SHISA9: variants seen among roughly 807,000 people sequenced by gnomAD.
SHISA9 encodes the protein protein shisa-9.
A neutral mutation model predicts 38.0 loss-of-function variants in SHISA9; 13 were observed. The ratio of observed to expected loss-of-function variants is 0.34; its 90% CI spans 0.22 to 0.54. The LOEUF is 0.54. SHISA9 is among the 20% of genes least tolerant of loss of function. The pLI, the probability that SHISA9 is intolerant of heterozygous loss-of-function variation, is 0.91. For missense variants in SHISA9, 538 were observed against 575.8 expected, an observed-to-expected ratio of 0.93 and a Z score of 0.67; for synonymous variants, 275 against 242.0, an observed-to-expected ratio of 1.14 and a Z score of -1.27.
At chr16:12,909,020 G>A (rs2071144359) in intron 1 of SHISA9, 1 of 996,668 alleles carries the variant, frequency 1.0e-6, no homozygotes. Context: ...CTTGCCTTTT[G>A]CCTTCCAGTT....
chr16:13,104,078 T>G (rs571317307), intron 2 of SHISA9, among the ~76,000 whole-genome samples: 4 of 152,308 alleles, frequency 2.6e-5, no homozygotes, highest in African/African-American at 9.6e-5. Context: ...ACCTCATTTC[T>G]TTCTTTTGTG....
chr16:12,947,490 A>G (rs1477848918), intron 2 of SHISA9, among the ~76,000 whole-genome samples: 2 of 152,214 alleles, frequency 1.3e-5, no homozygotes, highest in East Asian at 1.9e-4. Flanking sequence ...TGTAAAGCAC[A>G]CGCTTTGCCT....
chr16:12,911,838 C>T (rs935835845), intron 1 of SHISA9, among the ~76,000 whole-genome samples: 2 of 152,240 alleles, frequency 1.3e-5, no homozygotes, highest in Non-Finnish European at 2.9e-5. Context: ...TTTTAAACCA[C>T]ATGTCTGCTT....
the SHISA9 span, among the ~76,000 whole-genome samples, chr16:13,456,378 AATC>A: frequency 6.6e-6 from 1 of 152,202 alleles, no homozygotes; most frequent in Non-Finnish European, 1.5e-5. Context: ...TCAGCTTAAT[AATC>A]ATGTTTTTTC....
chr16:13,269,369 C>T, the SHISA9 span, among the ~76,000 whole-genome samples: 2 of 152,246 alleles, frequency 1.3e-5, no homozygotes, highest in African/African-American at 4.8e-5. Context: ...AATACTTCCC[C>T]TATGGGGGAC....
chr16:13,442,434 A>G, the SHISA9 span, among the ~76,000 whole-genome samples: 2 of 152,066 alleles, frequency 1.3e-5, no homozygotes, highest in African/African-American at 4.8e-5. Flanking sequence ...CAGCCTCCCA[A>G]GTAGCTGGGA....
At chr16:13,384,269 T>G in the SHISA9 span, among the ~76,000 whole-genome samples, 1 of 152,194 alleles carries the variant, frequency 6.6e-6, no homozygotes, top group Non-Finnish European at 1.5e-5. Flanking sequence ...TCTCCTGATA[T>G]GGTTTCTCCA....
the SHISA9 span, among the ~76,000 whole-genome samples, chr16:13,362,254 A>T: frequency 6.6e-6 from 1 of 150,942 alleles, no homozygotes; most frequent in African/African-American, 2.4e-5. Context: ...CAACAACAGC[A>T]ACAACAAAAA....
the SHISA9 span, among the ~76,000 whole-genome samples, chr16:13,515,888 G>C: frequency 6.6e-6 from 1 of 152,138 alleles, no homozygotes; most frequent in African/African-American, 2.4e-5. Context: ...TCAAATGTCT[G>C]GCACTGAACT....
At position 12,997,484 on chromosome 16, in the gene SHISA9, G is replaced by A. The variant is rs1465493843; in HGVS notation, c.691+80669G>A. 5.4e-5 allele frequency among the ~76,000 whole-genome samples: 8 copies of A among 149,044 alleles called. No individual in the cohort carries two copies. The East Asian group carries it at 1.6e-3, about 29-fold the overall frequency. Reference sequence around the variant, plus strand: ...TGCAATGGTGCGATCTCAGGTCACTGCAACCTCCATCTCCCGGGTTCAAGC... The same window carrying A: ...TGCAATGGTGCGATCTCAGGTCACTACAACCTCCATCTCCCGGGTTCAAGC... On this transcript the variant is annotated intron_variant, in intron 2 of 4. Coordinates refer to ENST00000558583, the MANE Select transcript of SHISA9 (RefSeq NM_001145204.3).
the SHISA9 span, among the ~76,000 whole-genome samples, chr16:13,362,392 C>T: frequency 6.6e-6 from 1 of 151,744 alleles, no homozygotes; most frequent in African/African-American, 2.4e-5. Context: ...TGTGCCACTG[C>T]ACTCCAGCCT....
chr16:13,560,467 G>T, the SHISA9 span, among the ~76,000 whole-genome samples: 1 of 152,112 alleles, frequency 6.6e-6, no homozygotes, highest in African/African-American at 2.4e-5. Context: ...GACGGGAGAG[G>T]GGAATGAATA....
chr16:13,083,626 T>C (rs905426530), intron 2 of SHISA9, among the ~76,000 whole-genome samples: 2 of 152,210 alleles, frequency 1.3e-5, no homozygotes, highest in African/African-American at 4.8e-5. Context: ...CTGGTTCCAC[T>C]TTGAGGCGAG....
At chr16:13,367,453 G>A in the SHISA9 span, among the ~76,000 whole-genome samples, 1 of 151,428 alleles carries the variant, frequency 6.6e-6, no homozygotes, top group African/African-American at 2.4e-5. Flanking sequence ...TATTATCATT[G>A]TCCCTATTTT....
intron 2 of SHISA9, among the ~76,000 whole-genome samples, chr16:12,994,029 C>G (rs140195264): frequency 6.6e-6 from 1 of 152,100 alleles, no homozygotes; most frequent in African/African-American, 2.4e-5. Flanking sequence ...AGACACCTGG[C>G]TAAAAACCCC....
At chr16:13,473,345 CTTTCTTT>C in the SHISA9 span, among the ~76,000 whole-genome samples, 1 of 99,088 alleles carries the variant, frequency 1.0e-5, no homozygotes, top group African/African-American at 3.7e-5. Context: ...TTCTTTCTTT[CTTTCTTT>C]TTTTTTTTTT....
In SHISA9 at chr16:12,951,306, G is replaced by C. The variant is rs201842862; in HGVS notation, c.691+34491G>C. Reference sequence around the variant, plus strand: ...CTTACACACCTGGCTCACGCTTGTGGCTCTCGTTACGTTTCCCTTGGGCAA... The same window carrying C: ...CTTACACACCTGGCTCACGCTTGTGCCTCTCGTTACGTTTCCCTTGGGCAA... On this transcript the variant is annotated intron_variant, in intron 2 of 4. Transcript: ENST00000558583. Among the ~76,000 whole-genome samples the C allele has an allele frequency of 5.9e-5, 9 of 151,344 alleles. No homozygotes were observed. The East Asian group carries it at 1.8e-3, about 29-fold the overall frequency.
chr16:13,312,241 GTGTGGTCT>G, the SHISA9 span, among the ~76,000 whole-genome samples: 1 of 152,190 alleles, frequency 6.6e-6, no homozygotes, highest in Admixed American at 6.5e-5. Context: ...AAGCAAATGG[GTGTGGTCT>G]TGTTTCAATA....
intron 2 of SHISA9, among the ~76,000 whole-genome samples, chr16:12,938,539 C>G (rs1365843937): frequency 6.6e-6 from 1 of 151,980 alleles, no homozygotes; most frequent in Non-Finnish European, 1.5e-5. Context: ...CTCTTGTTGC[C>G]CAGGTTGGAG....
Sources: gnomAD v4.1 joint callset for allele counts (sites outside exome capture counted in the v4.1 genomes callset) on GRCh38, gnomAD v4.1.1 for gene constraint, MANE v1.5 for transcripts, NCBI Gene and HGNC (gene_info 2026-07-23, HGNC 2026-07-21) for gene names.